Variants in RBM10 observed in about 807,000 individuals in gnomAD.
RBM10 encodes the protein RNA binding motif protein 10.
A neutral mutation model predicts 84.9 loss-of-function variants in RBM10; 1 was observed. That is an observed-to-expected ratio of 0.01 (90% CI 0.00 to 0.06). The LOEUF is 0.06. Ranked by LOEUF, RBM10 falls within the 10% of genes least tolerant of loss-of-function variation. The pLI is 1.00. For synonymous variants in RBM10, 326 were observed against 344.5 expected (o/e 0.95, Z 0.60); for missense variants, 438 against 839.0 (o/e 0.52, Z 5.90).
chrX:47,145,636 G>GT (rs1160810665), intron 1 of RBM10, 151 bp downstream of exon 1: 2,251 of 67,029 alleles, frequency 0.034, 198 homozygotes, highest in African/African-American at 0.12. Flanking sequence ...TTTTTTTTTG[G>GT]TTTTTTTTTT....
Position 47,157,155 on chromosome X carries a change from C to T in RBM10, c.17+9657C>T, listed in dbSNP as rs781965695. ...CCAGACCCCTTGATCTTGTCCAGCT[C>T]CATCAGGACCAATGATGACTCTGGC... On this transcript the variant is annotated intron_variant, in intron 2 of 23. Transcript: ENST00000377604. 14 of 251,712 alleles carry T rather than the reference C, an allele frequency of 5.6e-5. No individual in the cohort carries two copies. The South Asian group carries it at 6.0e-4, about 11-fold the overall frequency. The allele number at this position is 251,712 out of a possible 1,213,427, so 20.7% of individuals were successfully genotyped here. A position where few individuals can be genotyped will look rare whatever the true frequency, so the allele number is the denominator to read the frequency against.
rs1935381626 is a variant in RBM10, at chrX:47,179,623, G to A, written c.901+128G>A. On this transcript the variant is annotated intron_variant, in intron 9 of 23. Transcript: ENST00000377604. Reference sequence around the variant, plus strand: ...CCACTTGGTGCGGGGATAGACATTTGATGTAGGGAGAACAGGGGGAGTGGC... The same window carrying A: ...CCACTTGGTGCGGGGATAGACATTTAATGTAGGGAGAACAGGGGGAGTGGC... The A allele has an allele frequency of 8.3e-6, 7 of 848,217 alleles. No individual in the cohort carries two copies. In the South Asian group the frequency reaches 1.4e-4, roughly 17 times the overall value. The allele number at this position is 848,217 out of a possible 1,213,427, so 69.9% of individuals were successfully genotyped here. A position where few individuals can be genotyped will look rare whatever the true frequency, so the allele number is the denominator to read the frequency against.
intron 2 of RBM10, chrX:47,158,248 C>A: frequency 6.2e-6 from 1 of 162,341 alleles, no homozygotes. Flanking sequence ...TGCCCATAGG[C>A]TGAGTCTGTT....
chrX:47,179,154 C>T lies in RBM10; in HGVS notation c.715C>T (p.Pro239Ser), dbSNP rs782816032. Residue 239 changes from proline to serine, a missense_variant, in exon 8 of 24, where the codon CCC becomes TCC. Physicochemically the swap from Pro to Ser is moderately conservative, Grantham distance 74. Around this residue, in one of 8 missense-constraint regions of RBM10, gnomAD observed 36 missense variants for 45.3 expected, o/e 0.79. Transcript: ENST00000377604. ...AGAGAAGTGCTTCAAATGTGGCGTG[C>T]CCAAGTCAGGTGAGGCCCACCTACC... Reference protein sequence around the residue: ...RREKCFKCGVPKSEAEQKLPL... With the variant: ...RREKCFKCGVSKSEAEQKLPL... 4.1e-6 allele frequency: 5 copies of T among 1,209,354 alleles called. No homozygotes were observed. The highest frequency in any genetic ancestry group is 5.6e-6 in the Non-Finnish European group (5 of 894,200).
At chrX:47,176,734 C>CTCTT (rs1454843353) in intron 7 of RBM10, 148 bp downstream of exon 7, 2 of 1,026,150 alleles carry the variant, frequency 1.9e-6, no homozygotes, top group African/African-American at 3.8e-5. Context: ...CTCTCTCTCT[C>CTCTT]TCTCTCTCTC....
chrX:47,154,568 C>G (rs1932943211), intron 2 of RBM10, among the ~76,000 whole-genome samples: 1 of 109,772 alleles, frequency 9.1e-6, no homozygotes, highest in Non-Finnish European at 1.9e-5. Context: ...TCTTGTGCCT[C>G]AGCTTCCTGA....
At chrX:47,150,985 C>T (rs1932771940) in intron 2 of RBM10, among the ~76,000 whole-genome samples, 1 of 111,584 alleles carries the variant, frequency 9.0e-6, no homozygotes, top group South Asian at 3.7e-4. Flanking sequence ...AAAAAGCTTT[C>T]ATTTTCATAA....
At chrX:47,180,925 G>A (rs923745535) in intron 12 of RBM10, among the ~76,000 whole-genome samples, 11 of 111,699 alleles carry the variant, frequency 9.8e-5, no homozygotes, top group Non-Finnish European at 1.7e-4. Flanking sequence ...TAAGAAGATG[G>A]TGTCTTCCTT....
chrX:47,184,919 AGCCTTCT>A, intron 17 of RBM10, 129 bp from the exon 18 acceptor site: 3 of 735,041 alleles, frequency 4.1e-6, no homozygotes, highest in Non-Finnish European at 6.0e-6. Flanking sequence ...GGCCAGATGA[AGCCTTCT>A]GCAGTGGTTC....
At chrX:47,145,601 C>A in intron 1 of RBM10, 116 bp downstream of exon 1, 1 of 400,125 alleles carries the variant, frequency 2.5e-6, no homozygotes, top group Non-Finnish European at 3.7e-6. Flanking sequence ...GGGGTTGGTG[C>A]AATGTCTCAA....
At chrX:47,164,926 A>G (rs1934053388) in intron 2 of RBM10, among the ~76,000 whole-genome samples, 1 of 112,459 alleles carries the variant, frequency 8.9e-6, no homozygotes. Context: ...CTACAATAGA[A>G]GAGTATTATT....
intron 12 of RBM10, 92 bp downstream of exon 12, chrX:47,180,598 ATCCATGG>A (rs1935460270): frequency 8.6e-7 from 1 of 1,159,004 alleles, no homozygotes; most frequent in African/African-American, 1.8e-5. Context: ...CTGGCTTGCT[ATCCATGG>A]ATGCAAAACC....
intron 2 of RBM10, among the ~76,000 whole-genome samples, chrX:47,156,345 T>G (rs1933144086): frequency 9.0e-6 from 1 of 111,398 alleles, no homozygotes; most frequent in Non-Finnish European, 1.9e-5. Flanking sequence ...AAAGTTCAAC[T>G]TTTATTATAG....
intron 2 of RBM10, among the ~76,000 whole-genome samples, chrX:47,164,441 G>C: frequency 9.3e-6 from 1 of 107,837 alleles, no homozygotes; most frequent in South Asian, 4.2e-4. Flanking sequence ...TCGGGAGGCT[G>C]AACCTGGGAG....
In RBM10 at chrX:47,147,448, G is replaced by A. The variant is rs1556762468; in HGVS notation, c.-34G>A. ...TGAAACGGAGCCAGCGGCTGAGGAG[G>A]GGCCCCAGCAGCCCCCGAAGGCCCT... On this transcript the variant is annotated 5_prime_UTR_variant, in exon 2 of 24. Transcript: ENST00000377604. The A allele has an allele frequency of 8.3e-7, 1 of 1,211,392 alleles. No homozygotes were observed. The highest frequency in any genetic ancestry group is 1.1e-6 in the Non-Finnish European group (1 of 895,109).
At chrX:47,150,292 C>G (rs782170995) in intron 2 of RBM10, among the ~76,000 whole-genome samples, 1 of 110,836 alleles carries the variant, frequency 9.0e-6, no homozygotes, top group Non-Finnish European at 1.9e-5. Context: ...CCTCAGCCTC[C>G]CGAGTAGCTG....
At position 47,171,265 on chromosome X, in the gene RBM10, G is replaced by GC. The variant is rs1556773013; in HGVS notation, c.432+13dup. The GC allele has an allele frequency of 8.3e-7, 1 of 1,208,789 alleles. No homozygotes were observed. The highest frequency in any genetic ancestry group is 1.1e-6 in the Non-Finnish European group (1 of 894,672). On this transcript the variant is annotated splice_region_variant and intron_variant, in intron 4 of 23. Transcript: ENST00000377604. ...GGCAGCCACTGAGGATGACGTACGTGCCCCCCATGGCCCCGGGCAGGAGGC... is the reference window on the plus strand; with the variant it reads ...GGCAGCCACTGAGGATGACGTACGTGCCCCCCCATGGCCCCGGGCAGGAGGC...
Position 47,147,351 on chromosome X carries a change from C to G in RBM10, c.-125-6C>G, listed in dbSNP as rs1386142021. The G allele has an allele frequency of 1.8e-5, 21 of 1,188,181 alleles. No homozygotes were observed. Among genetic ancestry groups the G allele is most frequent in the Non-Finnish European group, 2.2e-5 (19 of 883,378 alleles). ...TTGACCCCTTTCTTCCCTCCACTCT[C>G]CCCAGAGTCCCTGCAGGAAGCATCA... On this transcript the variant is annotated splice_polypyrimidine_tract_variant and splice_region_variant and intron_variant, in intron 1 of 23. Coordinates refer to ENST00000377604, the MANE Select transcript of RBM10 (RefSeq NM_005676.5).
At position 47,180,455 on chromosome X, in the gene RBM10, T is replaced by C; in HGVS notation, c.1197T>C (p.Ala399=). The part of the protein sequence containing the change: ...MASNEGSRIS[A]ASVASTAIAA... The stretch of plus-strand genomic sequence containing the variant: ...CCAATGAAGGCAGTCGCATCAGTGC[T>C]GCCTCTGTGGCCAGCACTGCCATTG... Residue 399 remains alanine (A), a synonymous_variant, in exon 12 of 24, where the codon GCT becomes GCC. Transcript: ENST00000377604. 1.7e-6 allele frequency: 2 copies of C among 1,210,013 alleles called. No individual in the cohort carries two copies. Among genetic ancestry groups the C allele is most frequent in the Non-Finnish European group, 2.2e-6 (2 of 894,973 alleles).
Sources: gnomAD v4.1 joint callset for allele counts (sites outside exome capture counted in the v4.1 genomes callset) on GRCh38, gnomAD v4.1.1 for gene constraint, gnomAD v4.1.1 regional missense constraint, MANE v1.5 for transcripts, NCBI Gene and HGNC (gene_info 2026-07-23, HGNC 2026-07-21) for gene names.